The following FDFT1 variants were observed in gnomAD, a reference collection of about 807,000 sequenced individuals.
The protein encoded by FDFT1 is squalene synthase.
Under a neutral mutation model 46.8 loss-of-function variants are expected in FDFT1, and 68 were observed. The ratio of observed to expected loss-of-function variants is 1.45; its 90% CI spans 1.19 to 1.78. The LOEUF is 1.78. Ranked by LOEUF, FDFT1 falls within the 40% of genes most tolerant of loss-of-function variation. FDFT1 has a pLI of 0.00. For missense variants in FDFT1, 928 were observed against 524.4 expected, an observed-to-expected ratio of 1.77 and a Z score of -7.52; for synonymous variants, 351 against 185.1, an observed-to-expected ratio of 1.90 and a Z score of -7.28.
Position 11,821,864 on chromosome 8 carries a change from C to G in FDFT1, c.496C>G (p.Gln166Glu). ...EFLDKHVTSE[Q>E]EWDKYCHYVA... The stretch of plus-strand genomic sequence containing the variant: ...TTTGGATAAGCATGTGACCTCTGAA[C>G]AGGAGTGGGACAAGGTTAGTCTCAT... The change falls in exon 4 of 8, where the codon CAG becomes GAG. Residue 166 changes from glutamine to glutamate, a missense_variant. Coordinates refer to ENST00000220584, the MANE Select transcript of FDFT1 (RefSeq NM_004462.5). The G allele has an allele frequency of 6.2e-7, 1 of 1,613,136 alleles. No homozygotes were observed. The highest frequency in any genetic ancestry group is 1.7e-5 in the Admixed American group (1 of 59,968).
intron 1 of FDFT1, among the ~76,000 whole-genome samples, chr8:11,804,583 A>C (rs966583129): frequency 1.3e-5 from 2 of 149,268 alleles, no homozygotes; most frequent in African/African-American, 4.9e-5. Context: ...CCTTCACTTA[A>C]CATTATCTTA....
Position 11,839,168 on chromosome 8 carries a change from G to C in FDFT1, c.*559G>C, listed in dbSNP as rs2446. ...TGGGAATAAAATTCTGGGTATTCTC[G>C]TATTCTCATTTAAAGGAGTTTAGCT... On this transcript the variant is annotated 3_prime_UTR_variant, in exon 8 of 8. Transcript: ENST00000220584. 0.021 allele frequency: 3,310 copies of C among 154,890 alleles called. 122 individuals carry two copies. Among genetic ancestry groups the C allele is most frequent in the African/African-American group, 0.074 (3,079 of 41,502 alleles). The allele number at this position is 154,890 out of a possible 1,614,324, so 9.6% of individuals were successfully genotyped here.
At chr8:11,812,509 C>T (rs1585896323) in intron 3 of FDFT1, among the ~76,000 whole-genome samples, 1 of 152,346 alleles carries the variant, frequency 6.6e-6, no homozygotes, top group East Asian at 1.9e-4. Context: ...GATCAGCTGT[C>T]TGTGCCCTGC....
chr8:11,803,237 C>G (rs771437169), intron 1 of FDFT1: 17 of 1,379,888 alleles, frequency 1.2e-5, no homozygotes, highest in Non-Finnish European at 1.1e-5. Flanking sequence ...TATTTTAACC[C>G]GAGGGTTACA....
intron 3 of FDFT1, 43 bp from the exon 4 acceptor site, chr8:11,821,707 T>C (rs762388559): frequency 5.7e-5 from 91 of 1,606,526 alleles, no homozygotes; most frequent in Non-Finnish European, 7.6e-5. Context: ...GCCATGTCTG[T>C]ACATATTTCA....
At chr8:11,803,427 G>A (rs370090998) in intron 1 of FDFT1, 1 of 1,287,532 alleles carries the variant, frequency 7.8e-7, no homozygotes, top group Middle Eastern at 2.3e-4. Flanking sequence ...CTTCATCCTC[G>A]GTGCTTCCTG....
chr8:11,835,675 T>A (rs1811439125), intron 7 of FDFT1, among the ~76,000 whole-genome samples: 1 of 152,128 alleles, frequency 6.6e-6, no homozygotes, highest in Non-Finnish European at 1.5e-5. Flanking sequence ...TACAACAGGC[T>A]AACAAAGTAC....
At chr8:11,821,194 T>A (rs959540817) in intron 3 of FDFT1, among the ~76,000 whole-genome samples, 4 of 152,378 alleles carry the variant, frequency 2.6e-5, no homozygotes, top group African/African-American at 9.6e-5. Context: ...CATTATACAT[T>A]GGAAAGATGA....
At chr8:11,809,578 T>G in intron 2 of FDFT1, 89 bp from the exon 3 acceptor site, 1 of 1,388,906 alleles carries the variant, frequency 7.2e-7, no homozygotes, top group Non-Finnish European at 9.6e-7. Flanking sequence ...GTGAGATGGG[T>G]TTAGAAAGTG....
At chr8:11,826,431 C>T (rs1044243100) in intron 5 of FDFT1, among the ~76,000 whole-genome samples, 2 of 152,190 alleles carry the variant, frequency 1.3e-5, no homozygotes, top group Non-Finnish European at 2.9e-5. Context: ...TCAAGCCTTG[C>T]TGTCCTTGAT....
At position 11,838,810 on chromosome 8, in the gene FDFT1, T is replaced by G. The variant is rs1051899617; in HGVS notation, c.*201T>G. 8.6e-6 allele frequency: 5 copies of G among 581,144 alleles called. No homozygotes were observed. Among genetic ancestry groups the G allele is most frequent in the Non-Finnish European group, 9.2e-6 (3 of 324,768 alleles). 36.0% of individuals were successfully genotyped at this position (581,144 alleles called of 1,614,324 possible). On this transcript the variant is annotated 3_prime_UTR_variant, in exon 8 of 8. Coordinates refer to ENST00000220584, the MANE Select transcript of FDFT1 (RefSeq NM_004462.5). The stretch of plus-strand genomic sequence containing the variant: ...GAAAGGGTGCCTCATCCCAGCAACC[T>G]GTCCTTGTGGGTGATGATCACTGTG...
intron 4 of FDFT1, among the ~76,000 whole-genome samples, chr8:11,822,431 C>G (rs996929174): frequency 2.0e-5 from 3 of 152,116 alleles, no homozygotes; most frequent in South Asian, 2.1e-4. Flanking sequence ...TTTCAAACCT[C>G]AAAACTTGAC....
chr8:11,814,916 C>T (rs542822820), intron 3 of FDFT1, among the ~76,000 whole-genome samples: 2 of 151,756 alleles, frequency 1.3e-5, no homozygotes, highest in African/African-American at 4.8e-5. Context: ...ATGTGCACAA[C>T]GTGCAGGTTT....
rs9205 is a variant in FDFT1, at chr8:11,831,610, G to C, written c.972G>C (p.Leu324=). 0.23 allele frequency: 374,567 copies of C among 1,612,362 alleles called. 51,336 individuals carry two copies. Among genetic ancestry groups the C allele is most frequent in the East Asian group, 0.72 (32,466 of 44,846 alleles). Residue 324 remains leucine (L), a synonymous_variant, in exon 7 of 8, where the codon CTG becomes CTC. Transcript: ENST00000220584. ...TTCGGAAAGGGCAAGCAGTGACCCTGATGATGGATGCCACCAATATGCCAG... is the reference window on the plus strand; with the variant it reads ...TTCGGAAAGGGCAAGCAGTGACCCTCATGATGGATGCCACCAATATGCCAG... The part of the protein sequence containing the change: ...VKIRKGQAVT[L]MMDATNMPAV...
chr8:11,803,468 G>A, intron 1 of FDFT1: 1 of 1,269,226 alleles, frequency 7.9e-7, no homozygotes, highest in Non-Finnish European at 1.0e-6. Flanking sequence ...ACGCTTCCAA[G>A]TTCCAATGAG....
intron 4 of FDFT1, among the ~76,000 whole-genome samples, chr8:11,825,185 G>T (rs972701435): frequency 6.6e-6 from 1 of 152,160 alleles, no homozygotes; most frequent in African/African-American, 2.4e-5. Flanking sequence ...CCTAGTTCCT[G>T]TTACCAGAAT....
At chr8:11,824,276 C>T (rs904361178) in intron 4 of FDFT1, among the ~76,000 whole-genome samples, 1 of 152,148 alleles carries the variant, frequency 6.6e-6, no homozygotes, top group African/African-American at 2.4e-5. Flanking sequence ...TCTTAGGATA[C>T]CCTTTTCAGA....
In FDFT1 at chr8:11,802,862, C is replaced by G. The variant is rs745973770; in HGVS notation, c.30C>G (p.Pro10=). 33 of 1,611,954 alleles carry G rather than the reference C, an allele frequency of 2.0e-5. 1 individual carries two copies. The highest frequency in any genetic ancestry group is 1.7e-4 in the South Asian group (15 of 90,632). The part of the protein sequence containing the change: MEFVKCLGH[P]EEFYNLVRFR... ...AGTTCGTGAAATGCCTTGGCCACCCCGAAGAGTTCTACAACCTGGTGCGCT... is the reference window on the plus strand; with the variant it reads ...AGTTCGTGAAATGCCTTGGCCACCCGGAAGAGTTCTACAACCTGGTGCGCT... Residue 10 remains proline (P), a synonymous_variant, in exon 1 of 8, where the codon CCC becomes CCG. Transcript: ENST00000220584.
At chr8:11,832,517 A>G (rs1049841287) in intron 7 of FDFT1, among the ~76,000 whole-genome samples, 1 of 133,010 alleles carries the variant, frequency 7.5e-6, no homozygotes, top group Non-Finnish European at 1.6e-5. Flanking sequence ...TCATCATTGC[A>G]CTCTAGCCTG....
Sources: gnomAD v4.1 joint callset for allele counts (sites outside exome capture counted in the v4.1 genomes callset) on GRCh38, gnomAD v4.1.1 for gene constraint, MANE v1.5 for transcripts, NCBI Gene and HGNC (gene_info 2026-07-23, HGNC 2026-07-21) for gene names.